Variants in VEGFC observed in about 807,000 individuals in gnomAD.
VEGFC encodes FLT4 ligand DHM.
A neutral mutation model predicts 46.1 loss-of-function variants in VEGFC; 12 were observed. The observed-to-expected ratio is 0.26, with a 90% CI of 0.17 to 0.42. The LOEUF (loss-of-function observed/expected upper bound fraction) is 0.42, where lower values mean the gene tolerates loss of function less well. VEGFC is among the 10% of genes least tolerant of loss of function. The pLI is 1.00. For missense variants in VEGFC, 488 were observed against 529.4 expected, an observed-to-expected ratio of 0.92 and a Z score of 0.77; for synonymous variants, 232 against 195.5, an observed-to-expected ratio of 1.19 and a Z score of -1.56.
At chr4:176,787,364 C>T (rs545202941) in intron 1 of VEGFC, among the ~76,000 whole-genome samples, 60 of 147,058 alleles carry the variant, frequency 4.1e-4, no homozygotes, top group Middle Eastern at 3.7e-3. Flanking sequence ...GGCTGAGGCA[C>T]GAGAATCGCT....
intron 3 of VEGFC, among the ~76,000 whole-genome samples, chr4:176,720,286 C>T (rs1172197953): frequency 6.6e-6 from 1 of 152,004 alleles, no homozygotes; most frequent in East Asian, 1.9e-4. Context: ...ATGATGCTTC[C>T]TCCCAAATCT....
rs181784700 is a variant in VEGFC, at chr4:176,769,073, G to A, written c.147+23092C>T. On this transcript the variant is annotated intron_variant, in intron 1 of 6. Coordinates refer to ENST00000618562, the MANE Select transcript of VEGFC (RefSeq NM_005429.5). ...AATAAATTGGTACCCTTATAAAAGAGGCTTGGGAGAGCCTGCTTCCTCCTT... is the reference window on the plus strand; with the variant it reads ...AATAAATTGGTACCCTTATAAAAGAAGCTTGGGAGAGCCTGCTTCCTCCTT... 3.9e-5 allele frequency among the ~76,000 whole-genome samples: 6 copies of A among 152,234 alleles called. No individual in the cohort carries two copies. The East Asian group carries it at 1.2e-3, about 29-fold the overall frequency.
At chr4:176,743,241 T>C (rs1735205519) in intron 1 of VEGFC, among the ~76,000 whole-genome samples, 1 of 152,000 alleles carries the variant, frequency 6.6e-6, no homozygotes, top group African/African-American at 2.4e-5. Flanking sequence ...GAAGAAATAG[T>C]AGATGATAGA....
At chr4:176,762,693 T>C (rs1282931598) in intron 1 of VEGFC, among the ~76,000 whole-genome samples, 2 of 152,170 alleles carry the variant, frequency 1.3e-5, no homozygotes, top group African/African-American at 4.8e-5. Context: ...TGTTTAAACA[T>C]ATGTGTGTCT....
chr4:176,766,131 A>C (rs1001457924), intron 1 of VEGFC, among the ~76,000 whole-genome samples: 7 of 152,194 alleles, frequency 4.6e-5, no homozygotes, highest in Admixed American at 4.6e-4. Context: ...AAACTTAAAA[A>C]TGATTATATA....
chr4:176,776,730 A>G (rs1035627807), intron 1 of VEGFC, among the ~76,000 whole-genome samples: 7 of 152,230 alleles, frequency 4.6e-5, no homozygotes, highest in African/African-American at 1.7e-4. Context: ...TCAATAAAAT[A>G]TGGTGCAACG....
intron 1 of VEGFC, among the ~76,000 whole-genome samples, chr4:176,745,979 T>C (rs1306997836): frequency 6.6e-6 from 1 of 152,082 alleles, no homozygotes; most frequent in East Asian, 1.9e-4. Flanking sequence ...CCCAATAATG[T>C]AATGTAAAGG....
At chr4:176,748,646 A>T (rs2110890756) in intron 1 of VEGFC, among the ~76,000 whole-genome samples, 1 of 152,170 alleles carries the variant, frequency 6.6e-6, no homozygotes, top group Non-Finnish European at 1.5e-5. Flanking sequence ...GACTTTCAGG[A>T]AAACAACTTT....
chr4:176,689,581 T>G (rs1275654272), intron 4 of VEGFC: 1 of 152,210 alleles, frequency 6.6e-6, no homozygotes, highest in Non-Finnish European at 1.5e-5. Context: ...CATCCACCCA[T>G]CACCTTCTGC....
intron 4 of VEGFC, among the ~76,000 whole-genome samples, chr4:176,694,488 G>C (rs928941755): frequency 3.3e-5 from 5 of 151,098 alleles, no homozygotes; most frequent in Non-Finnish European, 7.4e-5. Flanking sequence ...AGCAAGTCCT[G>C]AGTGACCTAC....
intron 1 of VEGFC, among the ~76,000 whole-genome samples, chr4:176,765,514 T>C (rs1735604281): frequency 6.6e-6 from 1 of 150,826 alleles, no homozygotes; most frequent in Non-Finnish European, 1.5e-5. Context: ...TCTAAAATAC[T>C]ACACCATAAT....
At chr4:176,716,251 A>C (rs1352157508) in intron 3 of VEGFC, among the ~76,000 whole-genome samples, 1 of 152,154 alleles carries the variant, frequency 6.6e-6, no homozygotes, top group African/African-American at 2.4e-5. Context: ...AACAGTCATC[A>C]GTAATGACCT....
chr4:176,712,924 A>AC (rs1367504173), intron 3 of VEGFC, among the ~76,000 whole-genome samples: 1 of 152,206 alleles, frequency 6.6e-6, no homozygotes, highest in Non-Finnish European at 1.5e-5. Flanking sequence ...ACAGGGTTAT[A>AC]CCCAGACAGG....
At chr4:176,690,501 T>C (rs1443448418) in intron 4 of VEGFC, among the ~76,000 whole-genome samples, 2 of 152,160 alleles carry the variant, frequency 1.3e-5, no homozygotes, top group African/African-American at 4.8e-5. Flanking sequence ...TTCCTAATAA[T>C]TTTAGGAATT....
chr4:176,730,718 T>C (rs1031977467), intron 1 of VEGFC, among the ~76,000 whole-genome samples: 1 of 152,114 alleles, frequency 6.6e-6, no homozygotes, highest in African/African-American at 2.4e-5. Flanking sequence ...AGAACCTACA[T>C]TTTAACAGAT....
At chr4:176,725,851 T>C (rs1426319528) in intron 3 of VEGFC, among the ~76,000 whole-genome samples, 3 of 152,092 alleles carry the variant, frequency 2.0e-5, no homozygotes, top group Non-Finnish European at 1.5e-5. Context: ...ACATTTTAAT[T>C]ATTAATATGT....
At position 176,705,392 on chromosome 4, in the gene VEGFC, C is replaced by T. The variant is rs552596338; in HGVS notation, c.704+6107G>A. On this transcript the variant is annotated intron_variant, in intron 4 of 6. Transcript: ENST00000618562. Reference sequence around the variant, plus strand: ...AGAACACCAATATGAAAATTGGTATCTAACTCTGTCTGCTAAAGAGAATTG... The same window carrying T: ...AGAACACCAATATGAAAATTGGTATTTAACTCTGTCTGCTAAAGAGAATTG... 3.3e-5 allele frequency among the ~76,000 whole-genome samples: 5 copies of T among 152,248 alleles called. No individual in the cohort carries two copies. The South Asian group carries it at 1.0e-3, about 32-fold the overall frequency.
At chr4:176,747,723 T>G (rs1343972774) in intron 1 of VEGFC, among the ~76,000 whole-genome samples, 5 of 152,034 alleles carry the variant, frequency 3.3e-5, no homozygotes, top group African/African-American at 1.2e-4. Context: ...GAGCCCAGGT[T>G]CAAGGCTGCA....
chr4:176,739,281 G>C (rs1324889921), intron 1 of VEGFC, among the ~76,000 whole-genome samples: 1 of 149,354 alleles, frequency 6.7e-6, no homozygotes, highest in Non-Finnish European at 1.5e-5. Context: ...AATACCACTT[G>C]ACCCTGCAAT....
Sources: allele counts gnomAD v4.1 joint callset (sites outside exome capture counted in the v4.1 genomes callset), GRCh38; gene constraint gnomAD v4.1.1; transcripts MANE v1.5; gene names NCBI Gene and HGNC (gene_info 2026-07-23, HGNC 2026-07-21).